TCF7L1: variants seen among roughly 807,000 people sequenced by gnomAD.
The protein encoded by TCF7L1 is transcription factor 7 like 1, also known as transcription factor 7-like 1.
A neutral mutation model predicts 63.7 loss-of-function variants in TCF7L1; 18 were observed. The ratio of observed to expected loss-of-function variants is 0.28; its 90% CI spans 0.20 to 0.42. The LOEUF is 0.42. TCF7L1 is among the 10% of genes least tolerant of loss of function. The pLI, the probability that TCF7L1 is intolerant of heterozygous loss-of-function variation, is 1.00. For synonymous variants in TCF7L1, 355 were observed against 340.9 expected (o/e 1.04, Z -0.46); for missense variants, 654 against 779.3 (o/e 0.84, Z 1.91).
chr2:85,290,486 T>A (rs1159657553), intron 4 of TCF7L1, among the ~76,000 whole-genome samples: 3 of 152,192 alleles, frequency 2.0e-5, no homozygotes, highest in African/African-American at 7.2e-5. Flanking sequence ...TCCCCATTTT[T>A]AAGATATAAT....
At chr2:85,196,309 G>A (rs1679156000) in intron 3 of TCF7L1, among the ~76,000 whole-genome samples, 1 of 152,194 alleles carries the variant, frequency 6.6e-6, no homozygotes, top group Admixed American at 6.5e-5. Flanking sequence ...TGCTTAGGCT[G>A]GACTCAAACT....
chr2:85,192,708 T>A lies in TCF7L1; in HGVS notation c.441+58258T>A, dbSNP rs540574336. On this transcript the variant is annotated intron_variant, in intron 3 of 11. Coordinates refer to ENST00000282111, the MANE Select transcript of TCF7L1 (RefSeq NM_031283.3). ...TAACTAATCTTTTTTTTTTTTTTTT[T>A]AAGTGCACTGCACTGAAGTGCAGTG... Among the ~76,000 whole-genome samples, 586 of 150,802 alleles carry A rather than the reference T, an allele frequency of 3.9e-3. 3 individuals are homozygous for A. The highest frequency in any genetic ancestry group is 0.014 in the African/African-American group (563 of 40,882).
At chr2:85,203,093 T>C (rs186539508) in intron 3 of TCF7L1, among the ~76,000 whole-genome samples, 32 of 152,200 alleles carry the variant, frequency 2.1e-4, no homozygotes, top group African/African-American at 6.5e-4. Context: ...CCTTGGCCTC[T>C]CAAAGTACTG....
intron 3 of TCF7L1, chr2:85,213,823 T>G (rs1203742152): frequency 6.6e-6 from 1 of 152,248 alleles, no homozygotes; most frequent in Non-Finnish European, 1.5e-5. Context: ...CTGTCTGATG[T>G]GCTAGCCTTT....
At chr2:85,170,788 G>A (rs573677657) in intron 3 of TCF7L1, among the ~76,000 whole-genome samples, 2 of 152,314 alleles carry the variant, frequency 1.3e-5, no homozygotes, top group Admixed American at 6.5e-5. Context: ...CATAGTAGGT[G>A]TGATGCAGTC....
At chr2:85,156,566 G>C (rs1162335603) in intron 3 of TCF7L1, among the ~76,000 whole-genome samples, 4 of 152,194 alleles carry the variant, frequency 2.6e-5, no homozygotes, top group African/African-American at 9.7e-5. Flanking sequence ...GCCAAATTAA[G>C]TCTGCAGGCA....
intron 3 of TCF7L1, among the ~76,000 whole-genome samples, chr2:85,265,602 T>C (rs1469685886): frequency 6.6e-6 from 1 of 152,194 alleles, no homozygotes; most frequent in East Asian, 1.9e-4. Flanking sequence ...CAGCGTATGT[T>C]GCCCAGGAAC....
intron 3 of TCF7L1, among the ~76,000 whole-genome samples, chr2:85,201,603 G>C (rs1254021198): frequency 6.6e-6 from 1 of 152,090 alleles, no homozygotes; most frequent in Non-Finnish European, 1.5e-5. Context: ...TTTGTTCAAG[G>C]GTCAACTGTA....
intron 3 of TCF7L1, among the ~76,000 whole-genome samples, chr2:85,262,473 C>T (rs574303077): frequency 1.3e-5 from 2 of 152,060 alleles, no homozygotes; most frequent in Admixed American, 6.5e-5. Flanking sequence ...CCTCTGGCCT[C>T]TGACAAGCCA....
At chr2:85,272,749 C>T (rs993288745) in intron 3 of TCF7L1, among the ~76,000 whole-genome samples, 1 of 152,088 alleles carries the variant, frequency 6.6e-6, no homozygotes, top group Non-Finnish European at 1.5e-5. Flanking sequence ...GAGCTACAGT[C>T]GTGCCACTGC....
chr2:85,298,870 A>G (rs1573032236), intron 4 of TCF7L1, among the ~76,000 whole-genome samples: 1 of 152,076 alleles, frequency 6.6e-6, no homozygotes, highest in Non-Finnish European at 1.5e-5. Flanking sequence ...TTATTGGGAC[A>G]GAAGCCTGCA....
chr2:85,190,986 C>T (rs1679029991), intron 3 of TCF7L1, among the ~76,000 whole-genome samples: 1 of 152,088 alleles, frequency 6.6e-6, no homozygotes, highest in African/African-American at 2.4e-5. Context: ...GCATTAATGA[C>T]TCTGGTGCAG....
At position 85,162,056 on chromosome 2, in the gene TCF7L1, T is replaced by TA. The variant is rs1678299226; in HGVS notation, c.441+27606_441+27607insA. On this transcript the variant is annotated intron_variant, in intron 3 of 11. Coordinates refer to ENST00000282111, the MANE Select transcript of TCF7L1 (RefSeq NM_031283.3). ...CTGAAGTTCCCCCAAAAGTTGAGAT[T>TA]TAAAAAAAAAAAAATCAGAATACAC... Among the ~76,000 whole-genome samples, 11 of 150,688 alleles carry TA rather than the reference T, an allele frequency of 7.3e-5. No homozygotes were observed. In the South Asian group the frequency reaches 2.3e-3, roughly 32 times the overall value.
At chr2:85,262,006 C>G in intron 3 of TCF7L1, 2 of 510,872 alleles carry the variant, frequency 3.9e-6, no homozygotes, top group South Asian at 2.9e-5. Context: ...AAACTGTATC[C>G]TTCTCAACAA....
chr2:85,307,853 C>T (rs75136930), intron 11 of TCF7L1, 136 bp downstream of exon 11: 8,827 of 709,296 alleles, frequency 0.012, 85 homozygotes, highest in Non-Finnish European at 0.017. Flanking sequence ...ACCCCTTTCT[C>T]GAGGTGGCCA....
At chr2:85,146,291 T>C (rs987433973) in intron 3 of TCF7L1, among the ~76,000 whole-genome samples, 7 of 152,220 alleles carry the variant, frequency 4.6e-5, no homozygotes, top group African/African-American at 1.2e-4. Flanking sequence ...CAGAAGGTGA[T>C]AGAGCCAGCA....
intron 3 of TCF7L1, among the ~76,000 whole-genome samples, chr2:85,236,506 T>A (rs1680196017): frequency 6.6e-6 from 1 of 152,108 alleles, no homozygotes; most frequent in African/African-American, 2.4e-5. Context: ...CCCTGGTGTG[T>A]CCCTGGAGCC....
chr2:85,135,035 G>C (rs993960560), intron 3 of TCF7L1, among the ~76,000 whole-genome samples: 2 of 152,202 alleles, frequency 1.3e-5, no homozygotes, highest in African/African-American at 4.8e-5. Flanking sequence ...TCTTCAAGTT[G>C]AGGAACTTGG....
At chr2:85,188,796 T>A (rs1678985533) in intron 3 of TCF7L1, among the ~76,000 whole-genome samples, 1 of 151,986 alleles carries the variant, frequency 6.6e-6, no homozygotes, top group Non-Finnish European at 1.5e-5. Context: ...ACAAAAGTGG[T>A]CTGAATGTTT....
Sources: allele counts gnomAD v4.1 joint callset (sites outside exome capture counted in the v4.1 genomes callset), GRCh38; gene constraint gnomAD v4.1.1; transcripts MANE v1.5; gene names NCBI Gene and HGNC (gene_info 2026-07-23, HGNC 2026-07-21).